The following PPP2R2D variants were observed in gnomAD, a reference collection of about 807,000 sequenced individuals.
The protein encoded by PPP2R2D is serine/threonine-protein phosphatase 2A 55 kDa regulatory subunit B delta isoform.
Under a neutral mutation model 31.1 loss-of-function variants are expected in PPP2R2D, and 9 were observed. The ratio of observed to expected loss-of-function variants is 0.29; its 90% confidence interval spans 0.17 to 0.51. PPP2R2D has a LOEUF of 0.51. Among genes scored for constraint, PPP2R2D ranks in the 20% least tolerant of loss-of-function variants. The probability of loss-of-function intolerance (pLI) is 0.98; values close to 1 mark genes in which losing one functional copy is unlikely to be tolerated. For synonymous variants in PPP2R2D, 179 were observed against 172.6 expected, an observed-to-expected ratio of 1.04 and a Z score of -0.29; for missense variants, 391 against 465.6, an observed-to-expected ratio of 0.84 and a Z score of 1.48.
chr10:131,909,702 C>T (rs1226312562), intron 2 of PPP2R2D, among the ~76,000 whole-genome samples: 1 of 152,176 alleles, frequency 6.6e-6, no homozygotes, highest in Non-Finnish European at 1.5e-5. Context: ...AGTTGGTTTG[C>T]AAAGTCTTTT....
the PPP2R2D span, among the ~76,000 whole-genome samples, chr10:131,965,938 G>A: frequency 9.2e-5 from 14 of 152,256 alleles, no homozygotes; most frequent in Admixed American, 5.9e-4. Context: ...CAGCACTGTC[G>A]TTCTCTCGAG....
downstream of PPP2R2D, among the ~76,000 whole-genome samples, chr10:131,964,714 G>A (rs1379885150): frequency 6.4e-5 from 8 of 124,208 alleles, no homozygotes; most frequent in South Asian, 2.7e-4. Context: ...TATCCACCCC[G>A]AATGGTGTTC....
chr10:131,968,177 T>C, the PPP2R2D span: 1 of 169,558 alleles, frequency 5.9e-6, no homozygotes, highest in East Asian at 1.4e-4. Context: ...GTACTTCAGC[T>C]GAATTAAGGT....
chr10:131,942,941 T>G (rs1415677636), intron 5 of PPP2R2D, among the ~76,000 whole-genome samples: 1 of 152,172 alleles, frequency 6.6e-6, no homozygotes, highest in East Asian at 1.9e-4. Flanking sequence ...ACACACACTT[T>G]TCCAAGTTGG....
chr10:131,929,810 G>C (rs2036182886), intron 2 of PPP2R2D, among the ~76,000 whole-genome samples: 1 of 152,082 alleles, frequency 6.6e-6, no homozygotes, highest in African/African-American at 2.4e-5. Context: ...CCCATCCACA[G>C]CTCCTTAGTC....
chr10:131,958,579 C>A lies in PPP2R2D; in HGVS notation c.*2616C>A, dbSNP rs184788030. On this transcript the variant is annotated 3_prime_UTR_variant, in exon 9 of 9. Coordinates refer to ENST00000455566, the MANE Select transcript of PPP2R2D (RefSeq NM_018461.5). ...TGAAGGGGTATGCTGATCCCCTGTC[C>A]CCCTGTGGGGATGAAGGTGTGTGCT... 1 of 209,872 alleles carries A rather than the reference C, an allele frequency of 4.8e-6. No individual in the cohort carries two copies. Among genetic ancestry groups the A allele is most frequent in the East Asian group, 1.8e-4 (1 of 5,686 alleles). 13.0% of individuals were successfully genotyped at this position (209,872 alleles called of 1,614,324 possible). A position where few individuals can be genotyped will look rare whatever the true frequency, so the allele number is the denominator to read the frequency against.
In PPP2R2D at chr10:131,944,026, C is replaced by G; in HGVS notation, c.536C>G (p.Ala179Gly). Residue 179 changes from alanine (A) to glycine (G), a missense_variant, in exon 6 of 9, where the codon GCA (alanine) becomes GGA (glycine). Physicochemically the swap from Ala to Gly is moderately conservative, Grantham distance 60. Around this residue, in one of 3 missense-constraint regions of PPP2R2D, gnomAD observed 105 missense variants for 98.5 expected, o/e 1.07. Coordinates refer to ENST00000455566, the MANE Select transcript of PPP2R2D (RefSeq NM_018461.5). Reference protein sequence around the residue: ...MVEASPRRIFANAHTYHINSI... With the variant: ...MVEASPRRIFGNAHTYHINSI... Reference sequence around the variant, plus strand: ...GAAGCGAGTCCACGGCGAATTTTTGCAAATGCTCACACATATCATATAAAT... The same window carrying G: ...GAAGCGAGTCCACGGCGAATTTTTGGAAATGCTCACACATATCATATAAAT... 1.3e-6 allele frequency: 2 copies of G among 1,530,744 alleles called. No homozygotes were observed. The highest frequency in any genetic ancestry group is 1.7e-5 in the Admixed American group (1 of 59,786). 94.8% of individuals were successfully genotyped at this position (1,530,744 alleles called of 1,614,324 possible). A position where few individuals can be genotyped will look rare whatever the true frequency, so the allele number is the denominator to read the frequency against.
chr10:131,918,024 A>T (rs1185655814), intron 2 of PPP2R2D, among the ~76,000 whole-genome samples: 2 of 141,454 alleles, frequency 1.4e-5, no homozygotes, highest in Admixed American at 7.1e-5. Flanking sequence ...GACACAGTGT[A>T]GGGACCTCAG....
the PPP2R2D span, chr10:131,970,873 A>G: frequency 1.4e-5 from 23 of 1,614,098 alleles, no homozygotes; most frequent in Admixed American, 3.5e-4. The surrounding 1 kb of genome is among the most constrained non-coding windows in gnomAD (Gnocchi z 4.1). Context: ...CTTGGGGGGA[A>G]TATTTTCCGG....
At chr10:131,929,506 T>C (rs782753323) in intron 2 of PPP2R2D, among the ~76,000 whole-genome samples, 29 of 152,192 alleles carry the variant, frequency 1.9e-4, no homozygotes, top group Admixed American at 4.6e-4. Flanking sequence ...CCTGCATTTC[T>C]CAAGACTCGT....
chr10:131,935,273 T>C (rs2036318115), intron 3 of PPP2R2D, among the ~76,000 whole-genome samples: 2 of 152,260 alleles, frequency 1.3e-5, no homozygotes, highest in African/African-American at 4.8e-5. Flanking sequence ...CCTGGCTCTG[T>C]GCAGCTAAGC....
At chr10:131,951,543 C>T (rs1328502501) in intron 8 of PPP2R2D, among the ~76,000 whole-genome samples, 1 of 152,158 alleles carries the variant, frequency 6.6e-6, no homozygotes, top group African/African-American at 2.4e-5. Context: ...TAACTATTGG[C>T]CAGGCGCAGT....
intron 2 of PPP2R2D, among the ~76,000 whole-genome samples, chr10:131,923,097 T>C (rs1272020974): frequency 1.3e-5 from 2 of 152,220 alleles, no homozygotes; most frequent in Non-Finnish European, 2.9e-5. Context: ...TGGATAATTC[T>C]AGAACCTTTC....
chr10:131,930,484 G>C (rs2036201745), intron 2 of PPP2R2D, among the ~76,000 whole-genome samples: 1 of 152,192 alleles, frequency 6.6e-6, no homozygotes, highest in Admixed American at 6.5e-5. Flanking sequence ...GTTTGTTTTG[G>C]CTCTTTGCAT....
chr10:131,916,508 C>A (rs529740101), intron 2 of PPP2R2D, among the ~76,000 whole-genome samples: 4 of 152,340 alleles, frequency 2.6e-5, no homozygotes, highest in African/African-American at 7.2e-5. Context: ...ATTACCAACA[C>A]AACTTTGTCC....
At chr10:131,961,685 C>G (rs368716063), downstream of PPP2R2D, among the ~76,000 whole-genome samples, 6 of 152,204 alleles carry the variant, frequency 3.9e-5, no homozygotes, top group East Asian at 1.9e-4. Flanking sequence ...GAGGCGCTGC[C>G]GTCCTGGGCC....
the PPP2R2D span, chr10:131,970,540 T>A: frequency 6.8e-7 from 1 of 1,460,724 alleles, no homozygotes; most frequent in Non-Finnish European, 9.2e-7. The surrounding 1 kb of genome is among the most constrained non-coding windows in gnomAD (Gnocchi z 4.1). Context: ...CTGTAACTGA[T>A]GATCTGGACT....
At chr10:131,901,743 G>T (rs1248941292) in intron 2 of PPP2R2D, among the ~76,000 whole-genome samples, 8 of 152,294 alleles carry the variant, frequency 5.3e-5, no homozygotes, top group Admixed American at 5.2e-4. Flanking sequence ...CGGCACAATG[G>T]CCCAGAGGCT....
chr10:131,963,868 G>A (rs782180330), downstream of PPP2R2D, among the ~76,000 whole-genome samples: 7 of 152,168 alleles, frequency 4.6e-5, no homozygotes, highest in Non-Finnish European at 7.3e-5. Context: ...GACTCACACC[G>A]TGCAGGGCTA....
Sources: gnomAD v4.1 joint callset for allele counts (sites outside exome capture counted in the v4.1 genomes callset) on GRCh38, gnomAD v4.1.1 for gene constraint, gnomAD v4.1.1 regional missense constraint, Gnocchi (gnomAD v3.1) non-coding constraint, MANE v1.5 for transcripts, NCBI Gene and HGNC (gene_info 2026-07-23, HGNC 2026-07-21) for gene names.